The following LUC7L3 variants were observed in gnomAD, a reference collection of about 807,000 sequenced individuals.
The protein encoded by LUC7L3 is luc7-like protein 3.
In LUC7L3, 6 loss-of-function variants were observed where a neutral mutation model predicts 66.8. The observed-to-expected ratio is 0.09, with a 90% CI of 0.05 to 0.18. The LOEUF is 0.18. Ranked by LOEUF, LUC7L3 falls within the 10% of genes least tolerant of loss-of-function variation. The pLI is 1.00. For missense variants in LUC7L3, 341 were observed against 531.1 expected (o/e 0.64, Z 3.52); for synonymous variants, 160 against 174.7 (o/e 0.92, Z 0.66).
At position 50,755,456 on chromosome 17, in the gene LUC7L3, GTAGTT is replaced by G. The variant is rs1405545795; in HGVS notation, c.*4797_*4801del. The G allele has an allele frequency of 1.3e-5, 2 of 152,238 alleles. No homozygotes were observed. The highest frequency in any genetic ancestry group is 2.9e-5 in the Non-Finnish European group (2 of 68,040). 9.4% of individuals were successfully genotyped at this position (152,238 alleles called of 1,614,324 possible). On this transcript the variant is annotated 3_prime_UTR_variant, in exon 10 of 10. Coordinates refer to ENST00000505658, the MANE Select transcript of LUC7L3 (RefSeq NM_016424.5). ...AGGAGAGCACTTTTAAGTTGAACCTGTAGTTTTAAAAAGTACATTTCAAGTAAGCC... is the reference window on the plus strand; with the variant it reads ...AGGAGAGCACTTTTAAGTTGAACCTGTTAAAAAGTACATTTCAAGTAAGCC...
At position 50,750,752 on chromosome 17, in the gene LUC7L3, C is replaced by T. The variant is rs945393643; in HGVS notation, c.*91C>T. On this transcript the variant is annotated 3_prime_UTR_variant, in exon 10 of 10. Coordinates refer to ENST00000505658, the MANE Select transcript of LUC7L3 (RefSeq NM_016424.5). ...TTTTTGTTACTGTTTGACAGTGCAG[C>T]GTAAGTATGCACAGATGAAGATGGA... 10 of 1,607,680 alleles carry T rather than the reference C, an allele frequency of 6.2e-6. No individual in the cohort carries two copies. The highest frequency in any genetic ancestry group is 1.7e-4 in the Middle Eastern group (1 of 6,058).
At chr17:50,744,303 CTTAA>C (rs1028627216) in intron 6 of LUC7L3, among the ~76,000 whole-genome samples, 14 of 152,240 alleles carry the variant, frequency 9.2e-5, no homozygotes, top group Middle Eastern at 3.4e-3. Context: ...TGCTTAGTTC[CTTAA>C]TTAGTTTTGT....
chr17:50,741,641 T>C lies in LUC7L3; in HGVS notation c.352-16T>C. On this transcript the variant is annotated splice_polypyrimidine_tract_variant and intron_variant, in intron 4 of 9. Transcript: ENST00000505658. The stretch of plus-strand genomic sequence containing the variant: ...GTTTTCAACTTGTTGGTAATACGTT[T>C]TATTGTCTTCAATAGGCCGCTGGCC... 15 of 1,592,118 alleles carry C rather than the reference T, an allele frequency of 9.4e-6. No individual in the cohort carries two copies. Among genetic ancestry groups the C allele is most frequent in the Non-Finnish European group, 1.3e-5 (15 of 1,160,596 alleles).
At chr17:50,741,311 A>G (rs1970333211) in intron 4 of LUC7L3, 65 bp downstream of exon 4, 1 of 1,475,502 alleles carries the variant, frequency 6.8e-7, no homozygotes, top group Non-Finnish European at 9.2e-7. Flanking sequence ...AGACCTCCCT[A>G]ATATTTTTGA....
intron 1 of LUC7L3, among the ~76,000 whole-genome samples, chr17:50,732,375 A>G (rs73335541): frequency 0.012 from 1,871 of 152,146 alleles, 32 homozygotes; most frequent in African/African-American, 0.042. Context: ...CAATCCCACT[A>G]TAAGAAATTT....
At chr17:50,722,898 C>T (rs1016492160) in intron 1 of LUC7L3, 1 of 152,188 alleles carries the variant, frequency 6.6e-6, no homozygotes, top group South Asian at 2.1e-4. Context: ...GTACACCCTC[C>T]CACCGTGTTT....
intron 1 of LUC7L3, among the ~76,000 whole-genome samples, chr17:50,735,582 T>G (rs1969931401): frequency 6.6e-6 from 1 of 152,102 alleles, no homozygotes; most frequent in Admixed American, 6.6e-5. Flanking sequence ...CATGGCTCAT[T>G]GCAGCCTCGA....
chr17:50,729,994 C>T (rs1272656449), intron 1 of LUC7L3, among the ~76,000 whole-genome samples: 3 of 141,084 alleles, frequency 2.1e-5, no homozygotes, highest in Admixed American at 7.3e-5. Flanking sequence ...GGCTCTGTTA[C>T]CCAGGCTGGA....
At chr17:50,724,756 C>CT (rs58826303) in intron 1 of LUC7L3, among the ~76,000 whole-genome samples, 56,510 of 128,208 alleles carry the variant, frequency 0.44, 14,081 homozygotes, top group South Asian at 0.56. Context: ...AATATTTTCT[C>CT]TTTTTTTTTT....
chr17:50,750,850 G>C lies in LUC7L3; in HGVS notation c.*189G>C. ...ACAGTGTAGTCCTGCAAAACATTTTGAGGTACATTGTTTTGTCTCAGCTAT... is the reference window on the plus strand; with the variant it reads ...ACAGTGTAGTCCTGCAAAACATTTTCAGGTACATTGTTTTGTCTCAGCTAT... On this transcript the variant is annotated 3_prime_UTR_variant, in exon 10 of 10. Transcript: ENST00000505658. 1 of 1,538,296 alleles carries C rather than the reference G, an allele frequency of 6.5e-7. No homozygotes were observed. Among genetic ancestry groups the C allele is most frequent in the Admixed American group, 2.0e-5 (1 of 51,028 alleles).
chr17:50,728,679 G>T (rs1371214661), intron 1 of LUC7L3, among the ~76,000 whole-genome samples: 1 of 152,104 alleles, frequency 6.6e-6, no homozygotes, highest in Admixed American at 6.5e-5. Flanking sequence ...TCAGTCTCCC[G>T]AGTAGCTGGA....
At chr17:50,732,181 T>G (rs529925613) in intron 1 of LUC7L3, among the ~76,000 whole-genome samples, 2 of 152,302 alleles carry the variant, frequency 1.3e-5, no homozygotes, top group South Asian at 4.1e-4. Context: ...GGATTTACAG[T>G]AAGTACATGT....
chr17:50,749,266 A>AG, intron 9 of LUC7L3: 1 of 1,289,274 alleles, frequency 7.8e-7, no homozygotes, highest in Non-Finnish European at 1.0e-6. Context: ...CTACGGGACA[A>AG]CAAGACGACT....
Position 50,756,114 on chromosome 17 carries a change from T to C in LUC7L3, c.*5453T>C, listed in dbSNP as rs553175715. The C allele has an allele frequency of 6.6e-6, 1 of 152,212 alleles. No individual in the cohort carries two copies. Among genetic ancestry groups the C allele is most frequent in the East Asian group, 1.9e-4 (1 of 5,192 alleles). The allele number at this position is 152,212 out of a possible 1,614,324, so 9.4% of individuals were successfully genotyped here. Reference sequence around the variant, plus strand: ...GGGTCTTCAGAAGAACTGGTGAGGGTCTGTTTCTGAAGCCTGTGGGCATTT... The same window carrying C: ...GGGTCTTCAGAAGAACTGGTGAGGGCCTGTTTCTGAAGCCTGTGGGCATTT... On this transcript the variant is annotated 3_prime_UTR_variant, in exon 10 of 10. Coordinates refer to ENST00000505658, the MANE Select transcript of LUC7L3 (RefSeq NM_016424.5).
rs576879792 is a variant in LUC7L3 at position 50,734,451 on chromosome 17, G to A, written c.100-2509G>A. ...CAAAGTGCTGGGATTACAGGTGTGA[G>A]CCACTGTGCCCAGCCTTTAAAACTT... On this transcript the variant is annotated intron_variant, in intron 1 of 9. Coordinates refer to ENST00000505658, the MANE Select transcript of LUC7L3 (RefSeq NM_016424.5). Among the ~76,000 whole-genome samples, 101 of 152,264 alleles carry A rather than the reference G, an allele frequency of 6.6e-4. 1 individual carries two copies. The highest frequency in any genetic ancestry group is 2.3e-3 in the African/African-American group (95 of 41,542).
At chr17:50,736,405 C>T (rs1969986912) in intron 1 of LUC7L3, among the ~76,000 whole-genome samples, 1 of 152,090 alleles carries the variant, frequency 6.6e-6, no homozygotes, top group African/African-American at 2.4e-5. Context: ...CCAACCTGGG[C>T]AATGTAGCAA....
intron 6 of LUC7L3, 134 bp downstream of exon 6, chr17:50,743,944 G>A (rs1970507552): frequency 1.5e-6 from 1 of 656,810 alleles, no homozygotes; most frequent in African/African-American, 1.8e-5. Context: ...AAGGTCTGTG[G>A]CATCTACTAA....
chr17:50,748,425 C>T (rs1970807812), intron 9 of LUC7L3: 1 of 152,298 alleles, frequency 6.6e-6, no homozygotes, highest in South Asian at 2.1e-4. Context: ...AGGTGATCCT[C>T]CCACCTCAGC....
At position 50,755,896 on chromosome 17, in the gene LUC7L3, T is replaced by G. The variant is rs1971100949; in HGVS notation, c.*5235T>G. The G allele has an allele frequency of 6.6e-6, 1 of 152,206 alleles. No homozygotes were observed. The highest frequency in any genetic ancestry group is 2.4e-5 in the African/African-American group (1 of 41,432). The allele number at this position is 152,206 out of a possible 1,614,324, so 9.4% of individuals were successfully genotyped here. On this transcript the variant is annotated 3_prime_UTR_variant, in exon 10 of 10. Transcript: ENST00000505658. ...CACAGAAGTGAAACTGAACTGCAGC[T>G]GTGTATGTGAACATGGACAAAACTC...
Sources: allele counts gnomAD v4.1 joint callset (sites outside exome capture counted in the v4.1 genomes callset), GRCh38; gene constraint gnomAD v4.1.1; transcripts MANE v1.5; gene names NCBI Gene and HGNC (gene_info 2026-07-23, HGNC 2026-07-21).